The following CDH12 variants were observed in gnomAD, a reference collection of about 807,000 sequenced individuals.
CDH12 encodes the protein cadherin 12.
Under a neutral mutation model 74.1 loss-of-function variants are expected in CDH12, and 41 were observed. That is an observed-to-expected ratio of 0.55 (90% CI 0.43 to 0.72). CDH12 has a LOEUF of 0.72. CDH12 is among the 30% of genes least tolerant of loss of function. The probability of loss-of-function intolerance (pLI) is 0.00; values close to 1 mark genes in which losing one functional copy is unlikely to be tolerated. For synonymous variants in CDH12, 399 were observed against 355.0 expected (o/e 1.12, Z -1.39); for missense variants, 945 against 977.2 (o/e 0.97, Z 0.44).
chr5:21,788,914 T>C (rs1473089373), intron 10 of CDH12, among the ~76,000 whole-genome samples: 1 of 152,040 alleles, frequency 6.6e-6, no homozygotes, highest in Non-Finnish European at 1.5e-5. Flanking sequence ...GCATTTGCCA[T>C]TTTATTTTTA....
intron 8 of CDH12, among the ~76,000 whole-genome samples, chr5:21,838,074 C>G (rs1332218376): frequency 6.6e-6 from 1 of 152,060 alleles, no homozygotes; most frequent in African/African-American, 2.4e-5. Flanking sequence ...TGACGTTAAA[C>G]TGGAAGGAAT....
At chr5:21,940,255 TATG>T (rs1755270712) in intron 6 of CDH12, among the ~76,000 whole-genome samples, 1 of 151,840 alleles carries the variant, frequency 6.6e-6, no homozygotes, top group African/African-American at 2.4e-5. Context: ...TAGAAATAAA[TATG>T]ATGATATGAT....
At chr5:22,675,870 C>CATATATATCTATATATATAT (rs1554058173) in intron 1 of CDH12, among the ~76,000 whole-genome samples, 5 of 92,156 alleles carry the variant, frequency 5.4e-5, no homozygotes, top group Admixed American at 1.3e-4. Context: ...TTTTGTATCT[C>CATATATATCTATATATATAT]ATATATATAT....
chr5:22,098,417 C>T (rs1743929828), intron 4 of CDH12, among the ~76,000 whole-genome samples: 1 of 152,142 alleles, frequency 6.6e-6, no homozygotes, highest in African/African-American at 2.4e-5. Flanking sequence ...GAGCCAGGAC[C>T]CCACCCTTTA....
chr5:22,138,251 T>C (rs1746571097), intron 4 of CDH12, among the ~76,000 whole-genome samples: 1 of 151,994 alleles, frequency 6.6e-6, no homozygotes, highest in Non-Finnish European at 1.5e-5. Flanking sequence ...TCAGCAATTT[T>C]GAAGATTTAG....
intron 8 of CDH12, among the ~76,000 whole-genome samples, chr5:21,833,880 G>T (rs529987730): frequency 6.6e-6 from 1 of 151,980 alleles, no homozygotes; most frequent in African/African-American, 2.4e-5. Context: ...ATCTACTGGA[G>T]AATAGGGTCT....
chr5:22,368,999 C>T (rs888409610), intron 3 of CDH12, among the ~76,000 whole-genome samples: 7 of 151,930 alleles, frequency 4.6e-5, no homozygotes, highest in African/African-American at 1.7e-4. Context: ...TGTATTGGTG[C>T]GCACCTGTAA....
intron 2 of CDH12, among the ~76,000 whole-genome samples, chr5:22,454,482 C>CT (rs536356847): frequency 0.23 from 35,246 of 150,986 alleles, 5,159 homozygotes; most frequent in Admixed American, 0.44. Context: ...ACAGATTTTT[C>CT]TTTTTTTTTG....
At chr5:22,143,766 G>C (rs1746970777) in intron 4 of CDH12, 1 of 152,152 alleles carries the variant, frequency 6.6e-6, no homozygotes. Flanking sequence ...AAATCTTTCA[G>C]ATAAGAGGTG....
intron 4 of CDH12, among the ~76,000 whole-genome samples, chr5:22,101,482 C>G (rs1744134330): frequency 6.6e-6 from 1 of 152,094 alleles, no homozygotes; most frequent in Admixed American, 6.6e-5. Flanking sequence ...TAGAATGCAA[C>G]AATGACTATT....
chr5:22,558,650 G>A (rs531478949), intron 1 of CDH12, among the ~76,000 whole-genome samples: 1 of 151,328 alleles, frequency 6.6e-6, no homozygotes, highest in Non-Finnish European at 1.5e-5. Flanking sequence ...CAAAGAGAGG[G>A]GGAAAAAACC....
chr5:21,810,439 T>C lies in CDH12; in HGVS notation c.1002+6506A>G, dbSNP rs1364442524. On this transcript the variant is annotated intron_variant, in intron 9 of 14. Transcript: ENST00000382254. ...TTGTGCCCTATTTGGCAAGGGGATG[T>C]CAATAGGAATGGAAGCGGTGTTAGA... 4.6e-5 allele frequency among the ~76,000 whole-genome samples: 7 copies of C among 152,102 alleles called. 1 individual carries two copies. The highest frequency in any genetic ancestry group is 3.3e-4 in the Admixed American group (5 of 15,226).
At chr5:22,527,178 G>A (rs1404936697) in intron 1 of CDH12, among the ~76,000 whole-genome samples, 3 of 152,050 alleles carry the variant, frequency 2.0e-5, no homozygotes, top group Non-Finnish European at 4.4e-5. Context: ...TTTGGGAAAG[G>A]GTAAAAGAAA....
intron 1 of CDH12, among the ~76,000 whole-genome samples, chr5:22,631,278 A>G (rs902657782): frequency 2.6e-5 from 4 of 152,170 alleles, no homozygotes; most frequent in South Asian, 2.1e-4. Flanking sequence ...AGCAATCCCA[A>G]TATTGGGTAT....
intron 1 of CDH12, among the ~76,000 whole-genome samples, chr5:22,619,502 T>A (rs370133153): frequency 1.3e-5 from 2 of 152,224 alleles, no homozygotes; most frequent in East Asian, 3.9e-4. Flanking sequence ...ATTTTGTAAC[T>A]CGTATTACCT....
At chr5:22,727,099 T>G (rs912363848) in intron 1 of CDH12, among the ~76,000 whole-genome samples, 1 of 151,832 alleles carries the variant, frequency 6.6e-6, no homozygotes, top group African/African-American at 2.4e-5. Flanking sequence ...GTTTATTAGC[T>G]GAATTATGAA....
chr5:21,760,473 T>C, intron 13 of CDH12, 85 bp downstream of exon 13: 1 of 721,348 alleles, frequency 1.4e-6, no homozygotes, highest in Non-Finnish European at 2.5e-6. Flanking sequence ...AATTAAGTGC[T>C]TCAAAGAAAA....
chr5:22,121,239 G>T (rs1182821184), intron 4 of CDH12, among the ~76,000 whole-genome samples: 1 of 152,142 alleles, frequency 6.6e-6, no homozygotes, highest in Non-Finnish European at 1.5e-5. Flanking sequence ...TCATTTCAAG[G>T]ATGTTTGCCT....
intron 1 of CDH12, among the ~76,000 whole-genome samples, chr5:22,715,275 T>C (rs887915623): frequency 6.6e-6 from 1 of 152,248 alleles, no homozygotes; most frequent in Non-Finnish European, 1.5e-5. Flanking sequence ...CTCAGCTGTC[T>C]AAGCATATTT....
Sources: allele counts gnomAD v4.1 joint callset (sites outside exome capture counted in the v4.1 genomes callset), GRCh38; gene constraint gnomAD v4.1.1; transcripts MANE v1.5; gene names NCBI Gene and HGNC (gene_info 2026-07-23, HGNC 2026-07-21).